Variants in RBM19 observed in about 807,000 individuals in gnomAD.
RBM19 encodes the protein probable RNA-binding protein 19.
A neutral mutation model predicts 116.8 loss-of-function variants in RBM19; 94 were observed. The observed-to-expected ratio is 0.80, with a 90% CI of 0.68 to 0.95. RBM19 has a LOEUF of 0.95. Ranked by LOEUF, RBM19 falls within the 40% of genes least tolerant of loss-of-function variation. The pLI, the probability that RBM19 is intolerant of heterozygous loss-of-function variation, is 0.00. For missense variants in RBM19, 1,161 were observed against 1,220.7 expected, an observed-to-expected ratio of 0.95 and a Z score of 0.73; for synonymous variants, 475 against 494.1, an observed-to-expected ratio of 0.96 and a Z score of 0.51.
At chr12:113,888,988 T>C (rs946224785) in intron 21 of RBM19, among the ~76,000 whole-genome samples, 4 of 152,160 alleles carry the variant, frequency 2.6e-5, no homozygotes, top group African/African-American at 7.2e-5. Flanking sequence ...TCATGGCTGG[T>C]ATTTAGTGGG....
chr12:113,850,446 C>G (rs1877360430), intron 22 of RBM19, among the ~76,000 whole-genome samples: 1 of 152,230 alleles, frequency 6.6e-6, no homozygotes, highest in African/African-American at 2.4e-5. Flanking sequence ...GGCCTGGCCT[C>G]CTGCCGCCTT....
intron 21 of RBM19, among the ~76,000 whole-genome samples, chr12:113,879,446 T>TATATATATATATATATATACACAC: frequency 7.0e-6 from 1 of 142,332 alleles, no homozygotes; most frequent in East Asian, 3.0e-4. Flanking sequence ...TATATATATA[T>TATATATATATATATATATACACAC]ATATGGACTT....
At chr12:113,923,635 G>A (rs1009978458) in intron 18 of RBM19, among the ~76,000 whole-genome samples, 4 of 152,168 alleles carry the variant, frequency 2.6e-5, no homozygotes, top group Admixed American at 6.5e-5. Context: ...CTTCCTCAAC[G>A]AATTCCCCAG....
chr12:113,951,506 G>A (rs1290146169), intron 8 of RBM19, among the ~76,000 whole-genome samples: 1 of 151,526 alleles, frequency 6.6e-6, no homozygotes, highest in Non-Finnish European at 1.5e-5. Flanking sequence ...AACTTGGTGA[G>A]ACAGGTTTAC....
chr12:113,915,868 T>A (rs538451284), intron 20 of RBM19, among the ~76,000 whole-genome samples: 5 of 152,300 alleles, frequency 3.3e-5, no homozygotes, highest in Admixed American at 2.0e-4. Flanking sequence ...ATAATGACCA[T>A]GTTAGGACTT....
rs1233824828 is a variant in RBM19, at chr12:113,903,734, G to A, written c.2558+11235C>T. Among the ~76,000 whole-genome samples, 1 of 152,206 alleles carries A rather than the reference G, an allele frequency of 6.6e-6. No individual in the cohort carries two copies. Among genetic ancestry groups the A allele is most frequent in the East Asian group, 1.9e-4 (1 of 5,206 alleles). The stretch of plus-strand genomic sequence containing the variant: ...TTTCGGTAACATTTGCTGTGAGTCA[G>A]AGCCCTGAATATTCCTCTTGGGCAT... On this transcript the variant is annotated intron_variant, in intron 21 of 23. Transcript: ENST00000261741. The surrounding 1 kb of genome is among the most constrained non-coding windows in gnomAD (Gnocchi z 5.1).
chr12:113,828,431 G>A (rs1024968465), intron 23 of RBM19, among the ~76,000 whole-genome samples: 3 of 151,958 alleles, frequency 2.0e-5, no homozygotes, highest in Admixed American at 6.6e-5. Context: ...GCTACTTCCC[G>A]AGACACAGGA....
At chr12:113,958,705 C>T (rs762071324) in intron 5 of RBM19, among the ~76,000 whole-genome samples, 3 of 152,256 alleles carry the variant, frequency 2.0e-5, no homozygotes, top group Middle Eastern at 3.4e-3. Context: ...AAGCACGTAC[C>T]CTCCTGTGTT....
intron 23 of RBM19, among the ~76,000 whole-genome samples, chr12:113,828,498 CGGGGTGAAGGGCAG>C (rs1875076687): frequency 7.2e-6 from 1 of 138,292 alleles, no homozygotes; most frequent in South Asian, 2.6e-4. Context: ...TCCAAGAGGC[CGGGGTGAAGGGCAG>C]GGGGCGGGGG....
chr12:113,935,817 TGAGGC>T (rs1471548350), intron 16 of RBM19, among the ~76,000 whole-genome samples: 3 of 152,140 alleles, frequency 2.0e-5, no homozygotes, highest in Non-Finnish European at 1.5e-5. Context: ...GCAGATCACT[TGAGGC>T]CAGGAATTCC....
At chr12:113,821,245 C>T (rs895507377), downstream of RBM19, among the ~76,000 whole-genome samples, 11 of 152,162 alleles carry the variant, frequency 7.2e-5, no homozygotes, top group Non-Finnish European at 1.6e-4. Context: ...TAGAAGCATC[C>T]TCTGGGCCAG....
chr12:113,887,932 G>A (rs1237889895), intron 21 of RBM19, among the ~76,000 whole-genome samples: 4 of 152,124 alleles, frequency 2.6e-5, no homozygotes, highest in Non-Finnish European at 5.9e-5. Context: ...ACATTGCCCA[G>A]GCTGTTGTTG....
At chr12:113,964,323 A>G (rs1402738631) in intron 1 of RBM19, among the ~76,000 whole-genome samples, 1 of 152,246 alleles carries the variant, frequency 6.6e-6, no homozygotes, top group Non-Finnish European at 1.5e-5. Context: ...TCACAGGGAT[A>G]TGGTGAGGAT....
intron 21 of RBM19, among the ~76,000 whole-genome samples, chr12:113,880,698 C>T (rs1360508593): frequency 6.6e-6 from 1 of 152,102 alleles, no homozygotes; most frequent in African/African-American, 2.4e-5. Context: ...AGCTACACTC[C>T]CAGGCTCCCT....
intron 21 of RBM19, among the ~76,000 whole-genome samples, chr12:113,901,479 C>T (rs916361171): frequency 6.6e-6 from 1 of 151,946 alleles, no homozygotes; most frequent in African/African-American, 2.4e-5. Flanking sequence ...CCTCTCACTC[C>T]ATCAGGAATT....
chr12:113,899,383 C>T (rs1191165647), intron 21 of RBM19, among the ~76,000 whole-genome samples: 1 of 152,186 alleles, frequency 6.6e-6, no homozygotes, highest in African/African-American at 2.4e-5. Context: ...CTTTACCAGC[C>T]TCACTGACCT....
At position 113,915,913 on chromosome 12, in the gene RBM19, C is replaced by A. The variant is rs1353108681; in HGVS notation, c.2442-828G>T. Among the ~76,000 whole-genome samples the A allele has an allele frequency of 3.9e-5, 6 of 152,356 alleles. No individual in the cohort carries two copies. In the South Asian group the frequency reaches 1.2e-3, roughly 32 times the overall value. The stretch of plus-strand genomic sequence containing the variant: ...AGGCCTGCTCCACGTCACCTCCTCA[C>A]AGGCCTTCCCTGTCTCCATTAAAAT... On this transcript the variant is annotated intron_variant, in intron 20 of 23. Coordinates refer to ENST00000261741, the MANE Select transcript of RBM19 (RefSeq NM_016196.4).
At chr12:113,859,861 C>T (rs554111411) in intron 21 of RBM19, among the ~76,000 whole-genome samples, 6 of 152,204 alleles carry the variant, frequency 3.9e-5, no homozygotes, top group South Asian at 2.1e-4. Flanking sequence ...CACATATGCA[C>T]GATGGTCTAG....
intron 21 of RBM19, among the ~76,000 whole-genome samples, chr12:113,878,824 T>C (rs1287413397): frequency 3.2e-5 from 3 of 95,006 alleles, no homozygotes; most frequent in African/African-American, 1.4e-4. Context: ...TGCCAAAGAA[T>C]TGAAAAAAAA....
Sources: allele counts gnomAD v4.1 joint callset (sites outside exome capture counted in the v4.1 genomes callset), GRCh38; gene constraint gnomAD v4.1.1; non-coding constraint Gnocchi (gnomAD v3.1); transcripts MANE v1.5; gene names NCBI Gene and HGNC (gene_info 2026-07-23, HGNC 2026-07-21).